Variants in USP19 observed in about 807,000 individuals in gnomAD.
The protein encoded by USP19 is ubiquitin specific peptidase 19.
A neutral mutation model predicts 144.8 loss-of-function variants in USP19; 40 were observed. The observed-to-expected ratio is 0.28, with a 90% confidence interval of 0.21 to 0.36. USP19 has a LOEUF of 0.36. USP19 is among the 10% of genes least tolerant of loss of function. The probability of loss-of-function intolerance (pLI) is 1.00; values close to 1 mark genes in which losing one functional copy is unlikely to be tolerated. For synonymous variants in USP19, 701 were observed against 709.3 expected, an observed-to-expected ratio of 0.99 and a Z score of 0.19; for missense variants, 1,518 against 1,822.5, an observed-to-expected ratio of 0.83 and a Z score of 3.04.
chr3:49,116,359 G>A lies in USP19; in HGVS notation c.1284-8C>T. The A allele has an allele frequency of 6.2e-7, 1 of 1,614,150 alleles. No individual in the cohort carries two copies. Among genetic ancestry groups the A allele is most frequent in the Non-Finnish European group, 8.5e-7 (1 of 1,180,038 alleles). On this transcript the variant is annotated splice_region_variant and splice_polypyrimidine_tract_variant and intron_variant, in intron 8 of 26. Transcript: ENST00000417901. This position sits in a 1 kb window ranked among gnomAD's most constrained non-coding sequence, Gnocchi z 5.0. ...CTCAGGAAGTTTCCATCCCTGCAGAGGCACAGCAGGATAGGAGGAAGGACA... is the reference window on the plus strand; with the variant it reads ...CTCAGGAAGTTTCCATCCCTGCAGAAGCACAGCAGGATAGGAGGAAGGACA...
rs775135190 is a variant in USP19 at position 49,114,227 on chromosome 3, T to C, written c.2350A>G (p.Lys784Glu). Residue 784 changes from lysine to glutamate, a missense_variant, in exon 16 of 27, where the codon AAG (lysine) becomes GAG (glutamate). Lys to Glu is a moderately conservative substitution (Grantham distance 56, BLOSUM62 1). Coordinates refer to ENST00000417901, the MANE Select transcript of USP19 (RefSeq NM_001199161.2). The surrounding 1 kb of genome is among the most constrained non-coding windows in gnomAD (Gnocchi z 4.5). ...GCAAAATAAAAGACAGGGAGAACCT[T>C]TTGCTTTTGTGGCAAGGGCACCGGC... ...YLPVPLPQKQ[K>E]VLPVFYFARE... 2.5e-6 allele frequency: 4 copies of C among 1,614,056 alleles called. No individual in the cohort carries two copies. The East Asian group carries it at 8.9e-5, about 36-fold the overall frequency.
rs776762362 is a variant in USP19, at chr3:49,110,187, G to C, written c.4035C>G (p.Ser1345Arg). 1 of 1,516,466 alleles carries C rather than the reference G, an allele frequency of 6.6e-7. No homozygotes were observed. The highest frequency in any genetic ancestry group is 1.3e-5 in the South Asian group (1 of 75,242). The allele number at this position is 1,516,466 out of a possible 1,614,324, so 93.9% of individuals were successfully genotyped here. Residue 1345 changes from serine to arginine, a missense_variant, in exon 26 of 27, where the codon AGC becomes AGG. Physicochemically the swap from Ser to Arg is moderately radical, Grantham distance 110. Coordinates refer to ENST00000417901, the MANE Select transcript of USP19 (RefSeq NM_001199161.2). This position sits in a 1 kb window ranked among gnomAD's most constrained non-coding sequence, Gnocchi z 6.1. The part of the protein sequence containing the change: ...DLGPAAEAAA[S>R]QGLGPGQAPE... ...TAAAGCCTCCCACATGCCTCACCTG[G>C]CTGGCAGCAGCCTCAGCTGCAGGGC...
rs957179159 is a variant in USP19, at chr3:49,108,851, G to C, written c.4039-323C>G. 1.4e-6 allele frequency: 2 copies of C among 1,462,270 alleles called. No individual in the cohort carries two copies. The highest frequency in any genetic ancestry group is 1.4e-5 in the African/African-American group (1 of 70,338). 90.6% of individuals were successfully genotyped at this position (1,462,270 alleles called of 1,614,324 possible). On this transcript the variant is annotated intron_variant, in intron 26 of 26. Coordinates refer to ENST00000417901, the MANE Select transcript of USP19 (RefSeq NM_001199161.2). This position sits in a 1 kb window ranked among gnomAD's most constrained non-coding sequence, Gnocchi z 4.8. ...ACAACCTCCCCACCCTCTCCCACCAGATGCATAAGCTGAGGCCCAAAGCCC... is the reference window on the plus strand; with the variant it reads ...ACAACCTCCCCACCCTCTCCCACCACATGCATAAGCTGAGGCCCAAAGCCC...
chr3:49,108,461 G>C lies in USP19; in HGVS notation c.4106C>G (p.Pro1369Arg), dbSNP rs1461447872. ...GTAGGTGGGGGCTGGCCGATCCACAGGGGGGGCGAAGCGTTCAGGGGCTGT... is the reference window on the plus strand; with the variant it reads ...GTAGGTGGGGGCTGGCCGATCCACACGGGGGGCGAAGCGTTCAGGGGCTGT... The part of the protein sequence containing the change: ...TRTAPERFAP[P>R]VDRPAPTYSN... Residue 1369 changes from proline to arginine, a missense_variant, in exon 27 of 27, where the codon CCT (proline) becomes CGT (arginine). Coordinates refer to ENST00000417901, the MANE Select transcript of USP19 (RefSeq NM_001199161.2). The surrounding 1 kb of genome is among the most constrained non-coding windows in gnomAD (Gnocchi z 4.8). The C allele has an allele frequency of 2.2e-6, 3 of 1,346,490 alleles. No individual in the cohort carries two copies. The highest frequency in any genetic ancestry group is 3.4e-5 in the Admixed American group (1 of 29,430). 83.4% of individuals were successfully genotyped at this position (1,346,490 alleles called of 1,614,324 possible). A position where few individuals can be genotyped will look rare whatever the true frequency, so the allele number is the denominator to read the frequency against.
rs982055227 is a variant in USP19 at position 49,119,214 on chromosome 3, G to A, written c.-69C>T. On this transcript the variant is annotated 5_prime_UTR_variant, in exon 2 of 27. Transcript: ENST00000417901. Reference sequence around the variant, plus strand: ...ACAGCGTCTGGGTCAGGGCTGCGGCGCTTTCTTCCTGGCCCAGCTATCTTG... The same window carrying A: ...ACAGCGTCTGGGTCAGGGCTGCGGCACTTTCTTCCTGGCCCAGCTATCTTG... The A allele has an allele frequency of 6.5e-7, 1 of 1,534,866 alleles. No homozygotes were observed. The highest frequency in any genetic ancestry group is 8.7e-7 in the Non-Finnish European group (1 of 1,145,858).
chr3:49,112,107 T>TG lies in USP19; in HGVS notation c.2766-60dup, dbSNP rs1369918826. ...AGCCCCATCTCCTATGACTCCATACTGGGGGCTAGTCATAGTCCCTGGGAA... is the reference window on the plus strand; with the variant it reads ...AGCCCCATCTCCTATGACTCCATACTGGGGGGCTAGTCATAGTCCCTGGGAA... On this transcript the variant is annotated intron_variant, in intron 19 of 26. Transcript: ENST00000417901. This position sits in a 1 kb window ranked among gnomAD's most constrained non-coding sequence, Gnocchi z 4.9. 1.3e-6 allele frequency: 2 copies of TG among 1,594,748 alleles called. No homozygotes were observed. The highest frequency in any genetic ancestry group is 2.7e-5 in the African/African-American group (2 of 74,546).
At chr3:49,120,002 G>A (rs1442989683) in intron 1 of USP19, among the ~76,000 whole-genome samples, 1 of 152,186 alleles carries the variant, frequency 6.6e-6, no homozygotes, top group Non-Finnish European at 1.5e-5. Context: ...GTTTGAGACT[G>A]GAACAGAAAT....
At position 49,108,488 on chromosome 3, in the gene USP19, C is replaced by T. The variant is rs751709768; in HGVS notation, c.4079G>A (p.Arg1360Gln). 1.3e-5 allele frequency: 17 copies of T among 1,275,758 alleles called. No individual in the cohort carries two copies. The highest frequency in any genetic ancestry group is 2.2e-5 in the South Asian group (1 of 45,814). 79.0% of individuals were successfully genotyped at this position (1,275,758 alleles called of 1,614,324 possible). The part of the protein sequence containing the change: ...PGQAPEVAPT[R>Q]TAPERFAPPV... Reference sequence around the variant, plus strand: ...GGGGGCGAAGCGTTCAGGGGCTGTCCGCGTGGGGGCCACCTCGGGGGCCTG... The same window carrying T: ...GGGGGCGAAGCGTTCAGGGGCTGTCTGCGTGGGGGCCACCTCGGGGGCCTG... The change falls in exon 27 of 27, where the codon CGG becomes CAG. Residue 1360 changes from arginine to glutamine, a missense_variant. Around this residue, in one of 5 missense-constraint regions of USP19, gnomAD observed 118 missense variants for 100.2 expected, o/e 1.18. Coordinates refer to ENST00000417901, the MANE Select transcript of USP19 (RefSeq NM_001199161.2). The surrounding 1 kb of genome is among the most constrained non-coding windows in gnomAD (Gnocchi z 4.8).
In USP19 at chr3:49,116,210, G is replaced by A; in HGVS notation, c.1356-48C>T. The A allele has an allele frequency of 6.2e-7, 1 of 1,613,758 alleles. No individual in the cohort carries two copies. The highest frequency in any genetic ancestry group is 8.5e-7 in the Non-Finnish European group (1 of 1,179,826). ...GGGACTTAGGAGGAATGAGCATCAGGATAGATGAGCCAGGGAGATGGAGCC... is the reference window on the plus strand; with the variant it reads ...GGGACTTAGGAGGAATGAGCATCAGAATAGATGAGCCAGGGAGATGGAGCC... On this transcript the variant is annotated intron_variant, in intron 9 of 26. Transcript: ENST00000417901. The surrounding 1 kb of genome is among the most constrained non-coding windows in gnomAD (Gnocchi z 5.0).
In USP19 at chr3:49,116,537, C is replaced by G; in HGVS notation, c.1197G>C (p.Val399=). 1 of 1,614,216 alleles carries G rather than the reference C, an allele frequency of 6.2e-7. No homozygotes were observed. Among genetic ancestry groups the G allele is most frequent in the Non-Finnish European group, 8.5e-7 (1 of 1,180,046 alleles). The change falls in exon 8 of 27, where the codon GTG becomes GTC. Residue 399 remains valine (V), a synonymous_variant. Transcript: ENST00000417901. This position sits in a 1 kb window ranked among gnomAD's most constrained non-coding sequence, Gnocchi z 5.0. ...AGATCTCCTTCACGTACACGTGCAC[C>G]ACCACTGAATCCGGGCCCTTCTCAT... The part of the protein sequence containing the change: ...DSYEKGPDSV[V]VHVYVKEICR...
chr3:49,111,831 C>T lies in USP19; in HGVS notation c.2904-18G>A, dbSNP rs200159397. On this transcript the variant is annotated intron_variant, in intron 20 of 26. Coordinates refer to ENST00000417901, the MANE Select transcript of USP19 (RefSeq NM_001199161.2). The surrounding 1 kb of genome is among the most constrained non-coding windows in gnomAD (Gnocchi z 5.9). ...CAGAGTACCTGGCAACAGAGAACAA[C>T]GCAAGTAAGACTCCTGACCAGCCCA... is the stretch of plus-strand genomic sequence containing the variant. 109 of 1,582,112 alleles carry T rather than the reference C, an allele frequency of 6.9e-5. No homozygotes were observed. The highest frequency in any genetic ancestry group is 3.9e-4 in the African/African-American group (29 of 74,304).
Position 49,108,859 on chromosome 3 carries a change from AG to A in USP19, c.4039-332del. On this transcript the variant is annotated intron_variant, in intron 26 of 26. Coordinates refer to ENST00000417901, the MANE Select transcript of USP19 (RefSeq NM_001199161.2). This position sits in a 1 kb window ranked among gnomAD's most constrained non-coding sequence, Gnocchi z 4.8. ...CCCACCCTCTCCCACCAGATGCATA[AG>A]CTGAGGCCCAAAGCCCAGAGGTGTT... 2 of 1,470,890 alleles carry A rather than the reference AG, an allele frequency of 1.4e-6. No individual in the cohort carries two copies. The highest frequency in any genetic ancestry group is 1.8e-6 in the Non-Finnish European group (2 of 1,109,546). 91.1% of individuals were successfully genotyped at this position (1,470,890 alleles called of 1,614,324 possible).
chr3:49,114,248 C>A lies in USP19; in HGVS notation c.2329G>T (p.Val777Leu). 2 of 1,614,140 alleles carry A rather than the reference C, an allele frequency of 1.2e-6. No individual in the cohort carries two copies. Among genetic ancestry groups the A allele is most frequent in the Non-Finnish European group, 1.7e-6 (2 of 1,180,028 alleles). The change falls in exon 16 of 27, where the codon GTG becomes TTG. Residue 777 changes from valine to leucine, a missense_variant. Physicochemically the swap from Val to Leu is conservative, Grantham distance 32. This residue lies in a region of USP19 where 413 missense variants were observed against 515.8 expected (regional missense o/e 0.80). Transcript: ENST00000417901. The surrounding 1 kb of genome is among the most constrained non-coding windows in gnomAD (Gnocchi z 4.5). Reference protein sequence around the residue: ...ITFDPFLYLPVPLPQKQKVLP... With the variant: ...ITFDPFLYLPLPLPQKQKVLP... ...ACCTTTTGCTTTTGTGGCAAGGGCA[C>A]CGGCAGATAAAGAAACGGGTCAAAA... is the stretch of plus-strand genomic sequence containing the variant.
rs772081021 is a variant in USP19 at position 49,116,008 on chromosome 3, C to G, written c.1471+39G>C. ...ATGTGACAGGGGTTTGGGTCCTGGT[C>G]ACGTGGAACTGGGCAATGAAGGGAG... is the stretch of plus-strand genomic sequence containing the variant. On this transcript the variant is annotated intron_variant, in intron 10 of 26. Coordinates refer to ENST00000417901, the MANE Select transcript of USP19 (RefSeq NM_001199161.2). The surrounding 1 kb of genome is among the most constrained non-coding windows in gnomAD (Gnocchi z 5.0). The G allele has an allele frequency of 1.3e-6, 2 of 1,574,384 alleles. No individual in the cohort carries two copies. The highest frequency in any genetic ancestry group is 2.8e-5 in the African/African-American group (2 of 72,618).
At position 49,115,595 on chromosome 3, in the gene USP19, A is replaced by T. The variant is rs1176801103; in HGVS notation, c.1737T>A (p.Val579=). The change falls in exon 12 of 27, where the codon GTT becomes GTA. Residue 579 remains valine (V), a synonymous_variant. Coordinates refer to ENST00000417901, the MANE Select transcript of USP19 (RefSeq NM_001199161.2). This position sits in a 1 kb window ranked among gnomAD's most constrained non-coding sequence, Gnocchi z 6.6. ...CCTCCTCCTCCACGCTGTCTCCACT[A>T]ACTGGGCTGTGGGGCATGGGAGGCA... ...CMVPPMPHSP[V]SGDSVEEEEE... 3 of 1,611,398 alleles carry T rather than the reference A, an allele frequency of 1.9e-6. No individual in the cohort carries two copies. The Admixed American group carries it at 5.1e-5, about 27-fold the overall frequency.
intron 17 of USP19, among the ~76,000 whole-genome samples, chr3:49,113,586 A>AT (rs1200760006): frequency 2.2e-5 from 3 of 134,112 alleles, no homozygotes; most frequent in Non-Finnish European, 3.2e-5. Context: ...CCCTATTTTT[A>AT]TTTTTTTATC....
rs1478571154 is a variant in USP19 at position 49,115,166 on chromosome 3, A to G, written c.2023-49T>C. On this transcript the variant is annotated intron_variant, in intron 13 of 26. Transcript: ENST00000417901. This position sits in a 1 kb window ranked among gnomAD's most constrained non-coding sequence, Gnocchi z 6.6. The stretch of plus-strand genomic sequence containing the variant: ...AACATGAAGCCCTAGCACCCACTGC[A>G]CACCCAGCTGGCTGGCCCTCCCCGC... 4 of 1,612,990 alleles carry G rather than the reference A, an allele frequency of 2.5e-6. No homozygotes were observed. In the South Asian group the frequency reaches 4.4e-5, roughly 18 times the overall value.
In USP19 at chr3:49,115,222, G is replaced by C. The variant is rs1321697941; in HGVS notation, c.2022+6C>G. ...CCAGCCAAGGGTGACAGTGGTCACA[G>C]ATCACCTTCAACTTGGAAGGCTGGA... On this transcript the variant is annotated splice_donor_region_variant and intron_variant, in intron 13 of 26. Transcript: ENST00000417901. This position sits in a 1 kb window ranked among gnomAD's most constrained non-coding sequence, Gnocchi z 6.6. 2.5e-6 allele frequency: 4 copies of C among 1,613,820 alleles called. No individual in the cohort carries two copies. Among genetic ancestry groups the C allele is most frequent in the Non-Finnish European group, 3.4e-6 (4 of 1,179,960 alleles).
At chr3:49,109,178 C>A in intron 26 of USP19, 1 of 1,482,750 alleles carries the variant, frequency 6.7e-7, no homozygotes. Context: ...CTGCCAAATC[C>A]GGGAAGCCTA....
Sources: gnomAD v4.1 joint callset for allele counts (sites outside exome capture counted in the v4.1 genomes callset) on GRCh38, gnomAD v4.1.1 for gene constraint, gnomAD v4.1.1 regional missense constraint, Gnocchi (gnomAD v3.1) non-coding constraint, MANE v1.5 for transcripts, NCBI Gene and HGNC (gene_info 2026-07-23, HGNC 2026-07-21) for gene names.